Variants in KIAA0319 observed in about 807,000 individuals in gnomAD.
KIAA0319 encodes the protein KIAA0319.
In KIAA0319, 83 loss-of-function variants were observed where a neutral mutation model predicts 108.4. The observed-to-expected ratio is 0.77, with a 90% CI of 0.64 to 0.92. The LOEUF (loss-of-function observed/expected upper bound fraction) is 0.92. Among genes scored for constraint, KIAA0319 ranks in the 40% least tolerant of loss-of-function variants. The pLI is 0.00. For missense variants in KIAA0319, 1,195 were observed against 1,322.4 expected (o/e 0.90, Z 1.49); for synonymous variants, 484 against 510.4 (o/e 0.95, Z 0.70).
In KIAA0319 at chr6:24,558,374, TAGATA is replaced by T. The variant is rs1464335009; in HGVS notation, c.2734+634_2734+638del. ...ATGGATATATATATATCTAGATAGA[TAGATA>T]GATAGATAGATAGATAGATAGATAG... On this transcript the variant is annotated intron_variant, in intron 17 of 20. Transcript: ENST00000378214. Among the ~76,000 whole-genome samples the T allele has an allele frequency of 3.4e-4, 16 of 46,396 alleles. No individual in the cohort carries two copies. In the East Asian group the frequency reaches 5.3e-3, roughly 15 times the overall value. The allele number at this position is 46,396 out of a possible 152,430, so 30.4% of individuals were successfully genotyped here. A position where few individuals can be genotyped will look rare whatever the true frequency, so the allele number is the denominator to read the frequency against.
chr6:24,615,589 A>G (rs945587956), intron 1 of KIAA0319, among the ~76,000 whole-genome samples: 2 of 152,192 alleles, frequency 1.3e-5, no homozygotes, highest in African/African-American at 4.8e-5. Flanking sequence ...GATATGCCCT[A>G]TAAATATTTT....
intron 14 of KIAA0319, among the ~76,000 whole-genome samples, chr6:24,565,664 A>G (rs753616419): frequency 1.3e-5 from 2 of 151,400 alleles, no homozygotes; most frequent in Non-Finnish European, 2.9e-5. Context: ...GAGGCAGGAG[A>G]ATAGCTCGAA....
chr6:24,550,055 A>G (rs1761239523), intron 20 of KIAA0319, among the ~76,000 whole-genome samples: 1 of 152,224 alleles, frequency 6.6e-6, no homozygotes, highest in Non-Finnish European at 1.5e-5. Context: ...TACTTCTGAT[A>G]TTATGCAATG....
At chr6:24,602,170 C>G (rs1033451456) in intron 1 of KIAA0319, among the ~76,000 whole-genome samples, 8 of 152,148 alleles carry the variant, frequency 5.3e-5, no homozygotes, top group African/African-American at 1.9e-4. Flanking sequence ...GCGCACACTA[C>G]CACACCCGGC....
intron 1 of KIAA0319, among the ~76,000 whole-genome samples, chr6:24,621,899 T>G (rs563174081): frequency 3.3e-5 from 5 of 152,156 alleles, no homozygotes; most frequent in Non-Finnish European, 7.4e-5. Context: ...GGCACAATCG[T>G]TGGGGTGATC....
At chr6:24,551,264 G>A (rs995954423) in intron 20 of KIAA0319, among the ~76,000 whole-genome samples, 170 bp downstream of exon 20, 1 of 152,028 alleles carries the variant, frequency 6.6e-6, no homozygotes, top group Admixed American at 6.6e-5. Flanking sequence ...ATGAGCCACT[G>A]GGCCCGGCCT....
At position 24,625,278 on chromosome 6, in the gene KIAA0319, A is replaced by G. The variant is rs532513861; in HGVS notation, c.-106+20458T>C. Among the ~76,000 whole-genome samples, 3 of 152,354 alleles carry G rather than the reference A, an allele frequency of 2.0e-5. No homozygotes were observed. In the East Asian group the frequency reaches 5.8e-4, roughly 29 times the overall value. On this transcript the variant is annotated intron_variant, in intron 1 of 20. Coordinates refer to ENST00000378214, the MANE Select transcript of KIAA0319 (RefSeq NM_014809.4). ...ATTAAAGGCCTAAATGTGAAATGCA[A>G]AGCTTTAAAACTATTAAAAGTAAAT...
At chr6:24,562,755 C>A (rs912973853) in intron 16 of KIAA0319, among the ~76,000 whole-genome samples, 5 of 152,164 alleles carry the variant, frequency 3.3e-5, no homozygotes, top group Non-Finnish European at 7.4e-5. Flanking sequence ...AGGAGAATCA[C>A]TTGAATCTGA....
At chr6:24,588,884 G>T (rs1767991557) in intron 3 of KIAA0319, 99 bp from the exon 4 acceptor site, 1 of 978,578 alleles carries the variant, frequency 1.0e-6, no homozygotes, top group Admixed American at 2.5e-5. Flanking sequence ...AATTAGCTTT[G>T]GTAATGTTTG....
At chr6:24,641,809 G>T (rs1776925103) in intron 1 of KIAA0319, among the ~76,000 whole-genome samples, 1 of 151,948 alleles carries the variant, frequency 6.6e-6, no homozygotes, top group South Asian at 2.1e-4. Flanking sequence ...AGGTGAGCAG[G>T]TCACTTGCGC....
chr6:24,610,749 T>A (rs1353344847), intron 1 of KIAA0319, among the ~76,000 whole-genome samples: 1 of 152,022 alleles, frequency 6.6e-6, no homozygotes, highest in Non-Finnish European at 1.5e-5. Flanking sequence ...AGGCTGAGCC[T>A]ATGGTTTTTT....
At chr6:24,577,935 G>T (rs1038441729) in intron 9 of KIAA0319, among the ~76,000 whole-genome samples, 175 bp downstream of exon 9, 4 of 152,232 alleles carry the variant, frequency 2.6e-5, no homozygotes, top group Middle Eastern at 3.4e-3. Flanking sequence ...AATAAATAAA[G>T]TTCCTATTAA....
downstream of KIAA0319, among the ~76,000 whole-genome samples, chr6:24,543,610 T>A (rs1015122975): frequency 2.0e-5 from 3 of 152,110 alleles, no homozygotes; most frequent in Non-Finnish European, 2.9e-5. Flanking sequence ...TGTGTGTGTG[T>A]TTTTTGAGAC....
intron 1 of KIAA0319, among the ~76,000 whole-genome samples, chr6:24,626,596 T>C (rs1774756688): frequency 6.6e-6 from 1 of 152,216 alleles, no homozygotes; most frequent in African/African-American, 2.4e-5. Flanking sequence ...TACTAAAAGC[T>C]ACTGAATTTT....
Position 24,546,470 on chromosome 6 carries a change from T to C in KIAA0319, c.*695A>G, listed in dbSNP as rs1760646460. On this transcript the variant is annotated 3_prime_UTR_variant, in exon 21 of 21. Coordinates refer to ENST00000378214, the MANE Select transcript of KIAA0319 (RefSeq NM_014809.4). ...AAAAGATAATGTTACAATGCTACCT[T>C]CAACCTGCACGGCATTAAGCTCCTC... is the stretch of plus-strand genomic sequence containing the variant. 6.6e-6 allele frequency: 1 copy of C among 152,130 alleles called. No homozygotes were observed. Among genetic ancestry groups the C allele is most frequent in the East Asian group, 1.9e-4 (1 of 5,186 alleles). 9.4% of individuals were successfully genotyped at this position (152,130 alleles called of 1,614,324 possible).
chr6:24,581,748 C>T (rs897111415), intron 6 of KIAA0319, among the ~76,000 whole-genome samples: 1 of 151,948 alleles, frequency 6.6e-6, no homozygotes, highest in African/African-American at 2.4e-5. Context: ...ACTAAGTAAC[C>T]CAAATAAAGA....
chr6:24,617,314 A>G (rs1015212534), intron 1 of KIAA0319, among the ~76,000 whole-genome samples: 4 of 152,192 alleles, frequency 2.6e-5, no homozygotes, highest in African/African-American at 7.2e-5. Context: ...ATGATACAGT[A>G]TTATATGAAA....
At position 24,571,192 on chromosome 6, in the gene KIAA0319, G is replaced by A. The variant is rs145679477; in HGVS notation, c.1859-1157C>T. On this transcript the variant is annotated intron_variant, in intron 11 of 20. Transcript: ENST00000378214. ...AGACGACAGAGTGAGACTCTGTCTC[G>A]AGGGAAAAAAAAAAAGTATTGCTAA... 3.0e-3 allele frequency among the ~76,000 whole-genome samples: 439 copies of A among 146,870 alleles called. 4 individuals carry two copies. The highest frequency in any genetic ancestry group is 0.01 in the Middle Eastern group (3 of 288).
intron 4 of KIAA0319, among the ~76,000 whole-genome samples, chr6:24,587,633 C>T (rs980730101): frequency 6.6e-6 from 1 of 151,252 alleles, no homozygotes; most frequent in African/African-American, 2.4e-5. Context: ...GTTGCCCAGG[C>T]TGGAGTGCAG....
Sources: allele counts gnomAD v4.1 joint callset (sites outside exome capture counted in the v4.1 genomes callset), GRCh38; gene constraint gnomAD v4.1.1; transcripts MANE v1.5; gene names NCBI Gene and HGNC (gene_info 2026-07-23, HGNC 2026-07-21).